ITGB3BP: variants seen among roughly 807,000 people sequenced by gnomAD.
ITGB3BP encodes integrin subunit beta 3 binding protein, also known as centromere protein R.
In ITGB3BP, 27 loss-of-function variants were observed where a neutral mutation model predicts 29.1. The ratio of observed to expected loss-of-function variants is 0.93; its 90% confidence interval spans 0.68 to 1.28. ITGB3BP has a LOEUF of 1.28. Ranked by LOEUF, ITGB3BP falls within the 50% of genes most tolerant of loss-of-function variation. The pLI is 0.00. For missense variants in ITGB3BP, 192 were observed against 200.2 expected, an observed-to-expected ratio of 0.96 and a Z score of 0.25; for synonymous variants, 61 against 61.4, an observed-to-expected ratio of 0.99 and a Z score of 0.03.
At chr1:63,520,816 A>T (rs1420638349) in intron 1 of ITGB3BP, among the ~76,000 whole-genome samples, 1 of 152,118 alleles carries the variant, frequency 6.6e-6, no homozygotes, top group Non-Finnish European at 1.5e-5. Context: ...CTCTGTATTT[A>T]TCATTTCTCT....
intron 2 of ITGB3BP, among the ~76,000 whole-genome samples, chr1:63,497,680 T>C (rs1256403043): frequency 6.6e-6 from 1 of 152,154 alleles, no homozygotes; most frequent in Non-Finnish European, 1.5e-5. Context: ...GCTCGATGTT[T>C]ACTGATAGAA....
intron 3 of ITGB3BP, among the ~76,000 whole-genome samples, chr1:63,489,385 T>C (rs1645597241): frequency 6.7e-6 from 1 of 149,592 alleles, no homozygotes; most frequent in South Asian, 2.1e-4. Flanking sequence ...TAAAACTACA[T>C]GTCACTGATT....
chr1:63,461,512 GTGT>G (rs1441942663), intron 4 of ITGB3BP, among the ~76,000 whole-genome samples: 1 of 151,984 alleles, frequency 6.6e-6, no homozygotes, highest in Non-Finnish European at 1.5e-5. Flanking sequence ...TGTGCTTTTG[GTGT>G]TGTTATATAA....
chr1:63,444,153 G>GTA (rs1210962908), intron 8 of ITGB3BP, among the ~76,000 whole-genome samples: 1 of 152,030 alleles, frequency 6.6e-6, no homozygotes, highest in African/African-American at 2.4e-5. Flanking sequence ...TTTCTTGAAA[G>GTA]TATTACTCAA....
At chr1:63,468,985 A>C (rs1645147890) in intron 4 of ITGB3BP, among the ~76,000 whole-genome samples, 1 of 151,672 alleles carries the variant, frequency 6.6e-6, no homozygotes, top group Admixed American at 6.6e-5. Flanking sequence ...AGGGAGGTGG[A>C]GGTTGCAGTG....
intron 8 of ITGB3BP, among the ~76,000 whole-genome samples, chr1:63,444,446 CTATA>C (rs891237125): frequency 7.4e-6 from 1 of 135,908 alleles, no homozygotes; most frequent in Non-Finnish European, 1.6e-5. Flanking sequence ...TATATATATC[CTATA>C]TATATATTAC....
rs1239422154 is a variant in ITGB3BP, at chr1:63,478,838, A to G, written c.185-5T>C. 7 of 1,091,280 alleles carry G rather than the reference A, an allele frequency of 6.4e-6. No individual in the cohort carries two copies. The highest frequency in any genetic ancestry group is 7.9e-6 in the Non-Finnish European group (6 of 760,016). The allele number at this position is 1,091,280 out of a possible 1,614,324, so 67.6% of individuals were successfully genotyped here. On this transcript the variant is annotated splice_region_variant and splice_polypyrimidine_tract_variant and intron_variant, in intron 3 of 8. Coordinates refer to ENST00000271002, the MANE Select transcript of ITGB3BP (RefSeq NM_014288.5). ...GATTCAATTTTTTTCTCTTTTCTAT[A>G]TATGTGTAATAAAGAAAAGGACATA...
chr1:63,493,371 C>T (rs952189856), intron 2 of ITGB3BP, among the ~76,000 whole-genome samples: 14 of 152,082 alleles, frequency 9.2e-5, no homozygotes, highest in African/African-American at 3.4e-4. Flanking sequence ...GCCAAGATCA[C>T]GCCACCGCAC....
At chr1:63,455,995 A>G (rs1644931001) in intron 4 of ITGB3BP, among the ~76,000 whole-genome samples, 1 of 152,178 alleles carries the variant, frequency 6.6e-6, no homozygotes, top group Admixed American at 6.5e-5. Flanking sequence ...TACTTTACAT[A>G]TTAACAGCAC....
At chr1:63,445,978 A>T (rs1303329025) in intron 8 of ITGB3BP, among the ~76,000 whole-genome samples, 1 of 152,108 alleles carries the variant, frequency 6.6e-6, no homozygotes, top group Non-Finnish European at 1.5e-5. Context: ...ATCTCAGCTC[A>T]CTGCAACCTC....
At chr1:63,509,037 A>G (rs759774457) in intron 1 of ITGB3BP, among the ~76,000 whole-genome samples, 3 of 152,218 alleles carry the variant, frequency 2.0e-5, no homozygotes, top group Non-Finnish European at 4.4e-5. Context: ...AGTTTTGCAC[A>G]TTATTCTAGC....
chr1:63,455,853 A>G (rs10889421), intron 4 of ITGB3BP, among the ~76,000 whole-genome samples: 111,454 of 151,858 alleles, frequency 0.73, 42,944 homozygotes, highest in Non-Finnish European at 0.85. Flanking sequence ...CCACACTAAA[A>G]GGAATAAAAA....
At chr1:63,510,191 A>AC (rs1165791364) in intron 1 of ITGB3BP, 6 of 511,414 alleles carry the variant, frequency 1.2e-5, no homozygotes, top group Admixed American at 1.0e-4. Flanking sequence ...ACTGTCTCAA[A>AC]AAAAAAAGAA....
At chr1:63,445,000 T>C (rs1050391262) in intron 8 of ITGB3BP, among the ~76,000 whole-genome samples, 2 of 152,102 alleles carry the variant, frequency 1.3e-5, no homozygotes, top group Non-Finnish European at 2.9e-5. Context: ...AATTACTCAA[T>C]AGGGCTGGGC....
intron 2 of ITGB3BP, among the ~76,000 whole-genome samples, chr1:63,500,611 T>G (rs776408904): frequency 2.0e-5 from 3 of 152,150 alleles, no homozygotes; most frequent in Non-Finnish European, 4.4e-5. Context: ...CTATGAAACA[T>G]TATTGAAAGA....
chr1:63,528,123 C>T (rs1646629146), upstream of ITGB3BP, among the ~76,000 whole-genome samples: 1 of 152,112 alleles, frequency 6.6e-6, no homozygotes, highest in African/African-American at 2.4e-5. Flanking sequence ...TATCTGCACT[C>T]CCATGTTTAC....
chr1:63,501,717 C>T (rs775345434), intron 2 of ITGB3BP, among the ~76,000 whole-genome samples: 1 of 151,982 alleles, frequency 6.6e-6, no homozygotes, highest in Non-Finnish European at 1.5e-5. Context: ...AAAAAATTAG[C>T]TGGGCATAGA....
At chr1:63,446,230 T>C (rs1412947373) in intron 8 of ITGB3BP, among the ~76,000 whole-genome samples, 8 of 152,194 alleles carry the variant, frequency 5.3e-5, no homozygotes, top group Non-Finnish European at 1.2e-4. Context: ...CCTTCAGTTA[T>C]AGGTATACTA....
intron 4 of ITGB3BP, among the ~76,000 whole-genome samples, chr1:63,468,862 A>T (rs557477077): frequency 0.018 from 2,510 of 139,442 alleles, 141 homozygotes; most frequent in Non-Finnish European, 0.03. Context: ...ACTCTGTCTC[A>T]AAATAAATAA....
Sources: allele counts gnomAD v4.1 joint callset (sites outside exome capture counted in the v4.1 genomes callset), GRCh38; gene constraint gnomAD v4.1.1; transcripts MANE v1.5; gene names NCBI Gene and HGNC (gene_info 2026-07-23, HGNC 2026-07-21).